Variants in CLVS1 observed in about 807,000 individuals in gnomAD.
CLVS1 encodes clavesin 1, also known as clavesin-1.
Under a neutral mutation model 33.1 loss-of-function variants are expected in CLVS1, and 10 were observed. The ratio of observed to expected loss-of-function variants is 0.30; its 90% CI spans 0.19 to 0.51. CLVS1 has a LOEUF of 0.51. Among genes scored for constraint, CLVS1 ranks in the 20% least tolerant of loss-of-function variants. CLVS1 has a pLI of 0.97. For synonymous variants in CLVS1, 163 were observed against 166.1 expected, an observed-to-expected ratio of 0.98 and a Z score of 0.14; for missense variants, 343 against 433.4, an observed-to-expected ratio of 0.79 and a Z score of 1.85.
chr8:61,030,945 T>C, the CLVS1 span, among the ~76,000 whole-genome samples: 1 of 152,184 alleles, frequency 6.6e-6, no homozygotes, highest in Non-Finnish European at 1.5e-5. Context: ...GCTTTCCTCA[T>C]TTGTAAAATG....
chr8:61,043,181 T>C, the CLVS1 span, among the ~76,000 whole-genome samples: 1 of 152,208 alleles, frequency 6.6e-6, no homozygotes, highest in Non-Finnish European at 1.5e-5. Flanking sequence ...CTTCCCAAAT[T>C]CCTGAATACA....
intron 1 of CLVS1, among the ~76,000 whole-genome samples, chr8:61,126,650 G>C (rs188770166): frequency 6.6e-6 from 1 of 152,192 alleles, no homozygotes; most frequent in African/African-American, 2.4e-5. Context: ...TAAGCACCAA[G>C]GATTTGTTGA....
At chr8:61,229,369 C>T (rs1441922593) in intron 2 of CLVS1, among the ~76,000 whole-genome samples, 1 of 152,238 alleles carries the variant, frequency 6.6e-6, no homozygotes, top group Non-Finnish European at 1.5e-5. Context: ...ATGCCAAATG[C>T]TTTACCTCTG....
intron 2 of CLVS1, among the ~76,000 whole-genome samples, chr8:61,330,289 C>G (rs1437182217): frequency 6.6e-6 from 1 of 152,112 alleles, no homozygotes; most frequent in Non-Finnish European, 1.5e-5. Flanking sequence ...CATGAGGGTT[C>G]TCGTGCAAGT....
chr8:61,051,459 G>A, the CLVS1 span, among the ~76,000 whole-genome samples: 1 of 152,250 alleles, frequency 6.6e-6, no homozygotes, highest in Non-Finnish European at 1.5e-5. Context: ...GGCACCGGCT[G>A]CATTCTGCAC....
At chr8:60,965,057 C>A in the CLVS1 span, among the ~76,000 whole-genome samples, 1 of 151,670 alleles carries the variant, frequency 6.6e-6, no homozygotes, top group East Asian at 1.9e-4. Context: ...TTTTGAGTTG[C>A]AAGATTGTGA....
intron 2 of CLVS1, among the ~76,000 whole-genome samples, chr8:61,309,483 T>C (rs983260594): frequency 7.9e-5 from 12 of 152,324 alleles, no homozygotes; most frequent in Non-Finnish European, 1.3e-4. Context: ...AAATGAATGT[T>C]ACTAGGATAT....
chr8:61,307,227 G>A (rs993859091), intron 2 of CLVS1, among the ~76,000 whole-genome samples: 7 of 152,128 alleles, frequency 4.6e-5, no homozygotes, highest in African/African-American at 9.7e-5. Context: ...TTTTGTCAGT[G>A]TATTGTTTGT....
At chr8:61,178,513 C>T (rs1487565771) in intron 2 of CLVS1, among the ~76,000 whole-genome samples, 1 of 152,066 alleles carries the variant, frequency 6.6e-6, no homozygotes, top group Non-Finnish European at 1.5e-5. Flanking sequence ...TAAGATATTC[C>T]ACGAGAAGAT....
intron 3 of CLVS1, among the ~76,000 whole-genome samples, chr8:61,402,897 G>T (rs1814825545): frequency 6.6e-6 from 1 of 152,184 alleles, no homozygotes; most frequent in African/African-American, 2.4e-5. Flanking sequence ...TACATACACT[G>T]GGGAGAGGCA....
At chr8:61,062,923 A>G (rs1804606788) in intron 1 of CLVS1, among the ~76,000 whole-genome samples, 1 of 152,142 alleles carries the variant, frequency 6.6e-6, no homozygotes, top group Non-Finnish European at 1.5e-5. Context: ...ATTGCTATGC[A>G]TTTCCTTTCT....
chr8:61,304,168 T>C (rs921785648), intron 2 of CLVS1, among the ~76,000 whole-genome samples: 17 of 152,258 alleles, frequency 1.1e-4, no homozygotes, highest in Non-Finnish European at 4.4e-5. Flanking sequence ...GAATATCTCA[T>C]GTGAAGGGTT....
upstream of CLVS1, among the ~76,000 whole-genome samples, chr8:61,287,478 G>T (rs2129593521): frequency 6.6e-6 from 1 of 152,028 alleles, no homozygotes; most frequent in Middle Eastern, 3.4e-3. Context: ...CAAACTTACC[G>T]ATCTTTTTCT....
intron 1 of CLVS1, among the ~76,000 whole-genome samples, chr8:61,096,275 C>T (rs943396502): frequency 3.3e-5 from 5 of 152,232 alleles, no homozygotes; most frequent in Non-Finnish European, 7.3e-5. Flanking sequence ...ATAAATGCTG[C>T]CACCTACAGG....
chr8:61,040,988 C>T, the CLVS1 span, among the ~76,000 whole-genome samples: 1 of 151,742 alleles, frequency 6.6e-6, no homozygotes, highest in African/African-American at 2.4e-5. Context: ...AATCTTTAAT[C>T]CATCTTGAGT....
the CLVS1 span, among the ~76,000 whole-genome samples, chr8:61,005,729 A>C: frequency 6.6e-6 from 1 of 152,208 alleles, no homozygotes; most frequent in Non-Finnish European, 1.5e-5. Flanking sequence ...AAGTCCTTTA[A>C]AATAAAACTT....
At chr8:61,012,949 A>G in the CLVS1 span, among the ~76,000 whole-genome samples, 1 of 152,194 alleles carries the variant, frequency 6.6e-6, no homozygotes, top group Non-Finnish European at 1.5e-5. Flanking sequence ...CTGCAGTCAC[A>G]GAGGGTGGCA....
chr8:61,001,229 T>C, the CLVS1 span, among the ~76,000 whole-genome samples: 1 of 152,170 alleles, frequency 6.6e-6, no homozygotes, highest in African/African-American at 2.4e-5. Flanking sequence ...TCAAGTGATC[T>C]TCCTGCTTCA....
chr8:61,339,833 A>AAAGG (rs1000300104), intron 2 of CLVS1, among the ~76,000 whole-genome samples: 1 of 150,092 alleles, frequency 6.7e-6, no homozygotes, highest in African/African-American at 2.5e-5. Context: ...AAAGAGCGAG[A>AAAGG]AAGGAAGGAA....
Sources: gnomAD v4.1 joint callset for allele counts (sites outside exome capture counted in the v4.1 genomes callset) on GRCh38, gnomAD v4.1.1 for gene constraint, MANE v1.5 for transcripts, NCBI Gene and HGNC (gene_info 2026-07-23, HGNC 2026-07-21) for gene names.